ROBO2: variants seen among roughly 807,000 people sequenced by gnomAD.
The protein encoded by ROBO2 is roundabout guidance receptor 2, also known as roundabout homolog 2.
ROBO2 carries 53 observed loss-of-function variants against 160.8 expected under a neutral mutation model. The observed-to-expected ratio is 0.33, with a 90% CI of 0.26 to 0.41. The LOEUF (loss-of-function observed/expected upper bound fraction) is 0.41, where lower values mean the gene tolerates loss of function less well. ROBO2 is among the 10% of genes least tolerant of loss of function. The pLI, the probability that ROBO2 is intolerant of heterozygous loss-of-function variation, is 1.00. For synonymous variants in ROBO2, 664 were observed against 611.7 expected (o/e 1.09, Z -1.26); for missense variants, 1,577 against 1,722.4 (o/e 0.92, Z 1.49).
chr3:77,604,040 G>C (rs888206109), intron 20 of ROBO2: 1 of 152,080 alleles, frequency 6.6e-6, no homozygotes, highest in African/African-American at 2.4e-5. Flanking sequence ...TACATCATTA[G>C]GGTAACATTT....
Position 77,294,093 on chromosome 3 carries a change from G to C in ROBO2, c.389-183321G>C, listed in dbSNP as rs1365331354. On this transcript the variant is annotated intron_variant, in intron 2 of 25. Transcript: ENST00000461745. ...AACAGTAAAGACATAAAGTAAAATTGATGGTTAAACGGGTAAGCTGAGGCT... is the reference window on the plus strand; with the variant it reads ...AACAGTAAAGACATAAAGTAAAATTCATGGTTAAACGGGTAAGCTGAGGCT... 1.6e-4 allele frequency among the ~76,000 whole-genome samples: 22 copies of C among 140,346 alleles called. 2 individuals carry two copies. Among genetic ancestry groups the C allele is most frequent in the African/African-American group, 5.6e-4 (21 of 37,332 alleles). 92.1% of individuals were successfully genotyped at this position (140,346 alleles called of 152,430 possible).
chr3:77,100,806 G>A (rs535877623), intron 2 of ROBO2, among the ~76,000 whole-genome samples: 1 of 152,038 alleles, frequency 6.6e-6, no homozygotes, highest in African/African-American at 2.4e-5. Context: ...ACGCAAATCC[G>A]GAGGGAAGAC....
chr3:76,057,461 C>T (rs563181358), intron 2 of ROBO2, among the ~76,000 whole-genome samples: 2 of 152,268 alleles, frequency 1.3e-5, no homozygotes, highest in Non-Finnish European at 2.9e-5. Flanking sequence ...TCTATATTTA[C>T]TTTATAAACA....
chr3:75,908,983 C>T (rs1024298439), intron 1 of ROBO2, among the ~76,000 whole-genome samples: 8 of 152,276 alleles, frequency 5.3e-5, no homozygotes, highest in Admixed American at 6.5e-5. Flanking sequence ...CTGCCAGCTT[C>T]GCAGTGAATA....
rs1219611934 is a variant in ROBO2 at position 77,057,773 on chromosome 3, G to A, written c.61+16927G>A. 2.6e-5 allele frequency among the ~76,000 whole-genome samples: 4 copies of A among 151,948 alleles called. No homozygotes were observed. In the East Asian group the frequency reaches 7.8e-4, roughly 30 times the overall value. Reference sequence around the variant, plus strand: ...TTTAGTAGAGACGGGGTTTTACCATGTTGACCAGGATGGTCTCGATCTCCT... The same window carrying A: ...TTTAGTAGAGACGGGGTTTTACCATATTGACCAGGATGGTCTCGATCTCCT... On this transcript the variant is annotated intron_variant, in intron 1 of 25. Coordinates refer to ENST00000461745, the Ensembl canonical transcript of ROBO2.
intron 2 of ROBO2, among the ~76,000 whole-genome samples, chr3:76,752,719 A>C (rs2060746147): frequency 6.6e-6 from 1 of 151,934 alleles, no homozygotes; most frequent in Admixed American, 6.6e-5. Flanking sequence ...ACTGGATTAG[A>C]GAAAATTAAA....
At chr3:76,834,789 G>A (rs1028689632) in intron 2 of ROBO2, among the ~76,000 whole-genome samples, 2 of 152,108 alleles carry the variant, frequency 1.3e-5, no homozygotes, top group African/African-American at 2.4e-5. Flanking sequence ...AATAGCTATA[G>A]CACATCTATA....
intron 2 of ROBO2, among the ~76,000 whole-genome samples, chr3:77,234,011 T>G (rs2087591109): frequency 6.6e-6 from 1 of 152,228 alleles, no homozygotes; most frequent in South Asian, 2.1e-4. Flanking sequence ...TCCTTGTATT[T>G]CCTAGCTGAA....
intron 2 of ROBO2, among the ~76,000 whole-genome samples, chr3:76,757,372 A>G (rs1451086440): frequency 1.3e-5 from 2 of 151,860 alleles, no homozygotes; most frequent in African/African-American, 4.8e-5. Context: ...TAGCTGGAAC[A>G]AAAAGAAGAG....
intron 2 of ROBO2, among the ~76,000 whole-genome samples, chr3:76,759,348 A>T (rs2108347830): frequency 6.6e-6 from 1 of 151,944 alleles, no homozygotes; most frequent in South Asian, 2.1e-4. Context: ...AATTTAAACA[A>T]TACAAAATCC....
chr3:76,331,314 C>G lies in ROBO2; in HGVS notation c.109+393712C>G, dbSNP rs550504099. On this transcript the variant is annotated intron_variant, in intron 2 of 26. Coordinates refer to the ROBO2 transcript ENST00000487694. The stretch of plus-strand genomic sequence containing the variant: ...TAAGATATTTAGCATTCATAAATAT[C>G]ACATGAGGCACACCTTGCTTCCAGC... 3.3e-5 allele frequency among the ~76,000 whole-genome samples: 5 copies of G among 152,172 alleles called. No homozygotes were observed. The South Asian group carries it at 8.3e-4, about 25-fold the overall frequency.
chr3:77,281,877 A>C lies in ROBO2; in HGVS notation c.388+183537A>C, dbSNP rs146808948. Among the ~76,000 whole-genome samples, 9 of 152,264 alleles carry C rather than the reference A, an allele frequency of 5.9e-5. No individual in the cohort carries two copies. In the East Asian group the frequency reaches 1.7e-3, roughly 30 times the overall value. On this transcript the variant is annotated intron_variant, in intron 2 of 25. Coordinates refer to ENST00000461745, the Ensembl canonical transcript of ROBO2. ...AGTTCACAATAGGGTAAGCACTTCT[A>C]TGAGAATCTAATGCCGCTGCTGATC... is the stretch of plus-strand genomic sequence containing the variant.
intron 5 of ROBO2, among the ~76,000 whole-genome samples, chr3:77,494,172 T>C (rs2086493288): frequency 6.6e-6 from 1 of 152,244 alleles, no homozygotes; most frequent in Non-Finnish European, 1.5e-5. Flanking sequence ...TAAGATTTGT[T>C]ATGCCTTCCT....
At chr3:76,812,193 C>G (rs1171744623) in intron 2 of ROBO2, among the ~76,000 whole-genome samples, 1 of 151,578 alleles carries the variant, frequency 6.6e-6, no homozygotes, top group East Asian at 1.9e-4. Context: ...AGTAAGGGAG[C>G]TGGATACAAT....
At chr3:77,041,621 C>A (rs2064109235) in intron 1 of ROBO2, among the ~76,000 whole-genome samples, 1 of 152,154 alleles carries the variant, frequency 6.6e-6, no homozygotes, top group Non-Finnish European at 1.5e-5. Context: ...ATGTCAATTT[C>A]TTGTGCGACT....
At chr3:76,017,045 C>A (rs924920823) in intron 2 of ROBO2, among the ~76,000 whole-genome samples, 3 of 152,086 alleles carry the variant, frequency 2.0e-5, no homozygotes, top group African/African-American at 4.8e-5. Flanking sequence ...CTGTATACAA[C>A]GTATTGTAAA....
At chr3:77,284,987 C>T (rs1160685587) in intron 2 of ROBO2, among the ~76,000 whole-genome samples, 1 of 152,080 alleles carries the variant, frequency 6.6e-6, no homozygotes, top group Non-Finnish European at 1.5e-5. Flanking sequence ...TGTTGCCACA[C>T]ACATCAACAT....
chr3:76,767,499 T>C (rs575728990), intron 2 of ROBO2, among the ~76,000 whole-genome samples: 138 of 151,662 alleles, frequency 9.1e-4, no homozygotes, highest in African/African-American at 3.1e-3. Context: ...ATTTAGAACA[T>C]TGTGTTTAAG....
chr3:77,614,839 C>A (rs1181186988), intron 21 of ROBO2, among the ~76,000 whole-genome samples: 1 of 152,158 alleles, frequency 6.6e-6, no homozygotes, highest in African/African-American at 2.4e-5. Context: ...GCTGATAAGG[C>A]CTTCAGTGAC....
Sources: allele counts gnomAD v4.1 joint callset (sites outside exome capture counted in the v4.1 genomes callset), GRCh38; gene constraint gnomAD v4.1.1; transcripts MANE v1.5; gene names NCBI Gene and HGNC (gene_info 2026-07-23, HGNC 2026-07-21).